SOX17: variants seen among roughly 807,000 people sequenced by gnomAD.
The protein encoded by SOX17 is SRY-box transcription factor 17.
A neutral mutation model predicts 16.0 loss-of-function variants in SOX17; 4 were observed. The observed-to-expected ratio is 0.25, with a 90% CI of 0.12 to 0.57. The LOEUF (loss-of-function observed/expected upper bound fraction) is 0.57. SOX17 is among the 20% of genes least tolerant of loss of function. The pLI, the probability that SOX17 is intolerant of heterozygous loss-of-function variation, is 0.92. For synonymous variants in SOX17, 357 were observed against 284.6 expected (o/e 1.25, Z -2.56); for missense variants, 633 against 609.7 (o/e 1.04, Z -0.40).
chr8:54,458,997 C>A, intron 1 of SOX17, 61 bp from the exon 2 acceptor site: 1 of 1,453,308 alleles, frequency 6.9e-7, no homozygotes, highest in South Asian at 1.4e-5. Flanking sequence ...CAGGTGGGGC[C>A]TGGAGCGGGA....
chr8:54,458,320 G>T lies in SOX17; in HGVS notation c.182G>T (p.Arg61Leu). The change falls in exon 1 of 2, where the codon CGA becomes CTA. Residue 61 changes from arginine (R) to leucine (L), a missense_variant. By Grantham distance (102) the Arg-to-Leu change is moderately radical. Around this residue, in one of 5 missense-constraint regions of SOX17, gnomAD observed 94 missense variants for 98.7 expected, o/e 0.95. Transcript: ENST00000297316. ...GGAGCACCGGCCGGGGCCGCGGGCC[G>T]AGCCAAGGGCGAGTCCCGTATCCGG... is the stretch of plus-strand genomic sequence containing the variant. ...NSGAPAGAAGRAKGESRIRRP... is the reference protein window; with the variant it reads ...NSGAPAGAAGLAKGESRIRRP... The T allele has an allele frequency of 6.2e-7, 1 of 1,611,858 alleles. No individual in the cohort carries two copies. The highest frequency in any genetic ancestry group is 8.5e-7 in the Non-Finnish European group (1 of 1,179,640).
At position 54,459,827 on chromosome 8, in the gene SOX17, C is replaced by T; in HGVS notation, c.1077C>T (p.Asp359=). ...SQPAELLGEV[D]RTEFEQYLHF... is the part of the protein sequence containing the mutation. ...CCGCCGAGCTCCTCGGGGAGGTGGA[C>T]CGCACGGAATTTGAACAGTATCTGC... Residue 359 remains aspartate (D), a synonymous_variant, in exon 2 of 2, where the codon GAC becomes GAT. Transcript: ENST00000297316. The T allele has an allele frequency of 6.2e-7, 1 of 1,613,182 alleles. No homozygotes were observed. Among genetic ancestry groups the T allele is most frequent in the Non-Finnish European group, 8.5e-7 (1 of 1,179,876 alleles).
Position 54,457,957 on chromosome 8 carries a change from G to A in SOX17, c.-182G>A. Reference sequence around the variant, plus strand: ...CCCGCAGTGTCACTAGGCCGGCTGGGGGCCCTGGGTACGCTGTAGACCAGA... The same window carrying A: ...CCCGCAGTGTCACTAGGCCGGCTGGAGGCCCTGGGTACGCTGTAGACCAGA... On this transcript the variant is annotated 5_prime_UTR_variant, in exon 1 of 2. Transcript: ENST00000297316. 1 of 696,746 alleles carries A rather than the reference G, an allele frequency of 1.4e-6. No individual in the cohort carries two copies. The highest frequency in any genetic ancestry group is 3.8e-5 in the Admixed American group (1 of 26,074). The allele number at this position is 696,746 out of a possible 1,614,324, so 43.2% of individuals were successfully genotyped here.
At position 54,459,729 on chromosome 8, in the gene SOX17, C is replaced by A. The variant is rs748072355; in HGVS notation, c.979C>A (p.Pro327Thr). Residue 327 changes from proline to threonine, a missense_variant, in exon 2 of 2, where the codon CCC becomes ACC. Around this residue, in one of 5 missense-constraint regions of SOX17, gnomAD observed 479 missense variants for 397.2 expected, o/e 1.21. Coordinates refer to ENST00000297316, the MANE Select transcript of SOX17 (RefSeq NM_022454.4). ...HQHQHQHQHH[P>T]PGPGQPSPPP... Reference sequence around the variant, plus strand: ...GCACCAGCACCAGCACCAGCACCACCCCCCGGGCCCCGGACAGCCGTCGCC... The same window carrying A: ...GCACCAGCACCAGCACCAGCACCACACCCCGGGCCCCGGACAGCCGTCGCC... 3.9e-6 allele frequency: 6 copies of A among 1,557,706 alleles called. No homozygotes were observed. The highest frequency in any genetic ancestry group is 4.3e-6 in the Non-Finnish European group (5 of 1,155,120).
In SOX17 at chr8:54,458,001, C is replaced by G. The variant is rs1007459047; in HGVS notation, c.-138C>G. 3 of 1,066,000 alleles carry G rather than the reference C, an allele frequency of 2.8e-6. No individual in the cohort carries two copies. The highest frequency in any genetic ancestry group is 2.6e-6 in the Non-Finnish European group (2 of 780,270). 66.0% of individuals were successfully genotyped at this position (1,066,000 alleles called of 1,614,324 possible). Reference sequence around the variant, plus strand: ...GACCAGACCGCGACAGGCCAGAACACGGGCGGCGGCTTCGGGCCGGGAGAC... The same window carrying G: ...GACCAGACCGCGACAGGCCAGAACAGGGGCGGCGGCTTCGGGCCGGGAGAC... On this transcript the variant is annotated 5_prime_UTR_variant, in exon 1 of 2. Transcript: ENST00000297316.
chr8:54,458,076 CGG>C lies in SOX17; in HGVS notation c.-61_-60del. 1 of 1,424,202 alleles carries C rather than the reference CGG, an allele frequency of 7.0e-7. No individual in the cohort carries two copies. Among genetic ancestry groups the C allele is most frequent in the Non-Finnish European group, 9.1e-7 (1 of 1,096,162 alleles). The allele number at this position is 1,424,202 out of a possible 1,614,324, so 88.2% of individuals were successfully genotyped here. On this transcript the variant is annotated 5_prime_UTR_variant, in exon 1 of 2. Transcript: ENST00000297316. ...GTGCCTCACTCCCCACCCCCTCCCC[CGG>C]GTCGGGGGAGGCGGCGCGTCCGGCG...
rs776209280 is a variant in SOX17 at position 54,459,211 on chromosome 8, G to A, written c.461G>A (p.Gly154Asp). The A allele has an allele frequency of 2.5e-6, 4 of 1,574,494 alleles. No individual in the cohort carries two copies. In the Admixed American group the frequency reaches 7.3e-5, roughly 29 times the overall value. Reference sequence around the variant, plus strand: ...AAGCGGCTGAAGCGGGTGGAGGGCGGCTTCCTGCACGGCCTGGCTGAGCCG... The same window carrying A: ...AAGCGGCTGAAGCGGGTGGAGGGCGACTTCCTGCACGGCCTGGCTGAGCCG... ...QVKRLKRVEG[G>D]FLHGLAEPQA... The change falls in exon 2 of 2, where the codon GGC becomes GAC. Residue 154 changes from glycine to aspartate, a missense_variant. Transcript: ENST00000297316.
rs1326191408 is a variant in SOX17 at position 54,459,476 on chromosome 8, CG to C, written c.730del (p.Asp244ThrfsTer143). The C allele has an allele frequency of 6.6e-7, 1 of 1,524,726 alleles. No homozygotes were observed. Among genetic ancestry groups the C allele is most frequent in the East Asian group, 2.5e-5 (1 of 39,324 alleles). The allele number at this position is 1,524,726 out of a possible 1,614,324, so 94.4% of individuals were successfully genotyped here. ...CGGCTTTCTTCGCCGCCCCGATGCC[CG>C]GGGACTGCCCGGCGGCCGGCACCTA... ...DPAFFAAPMP[G>X]DCPAAGTYSY... On this transcript the variant is annotated frameshift_variant, in exon 2 of 2. Coordinates refer to ENST00000297316, the MANE Select transcript of SOX17 (RefSeq NM_022454.4). LOFTEE classifies it low-confidence loss of function (END_TRUNC).
In SOX17 at chr8:54,460,201, A is replaced by G; in HGVS notation, c.*206A>G. 1.6e-6 allele frequency: 1 copy of G among 623,116 alleles called. No individual in the cohort carries two copies. Among genetic ancestry groups the G allele is most frequent in the Non-Finnish European group, 2.8e-6 (1 of 357,876 alleles). 38.6% of individuals were successfully genotyped at this position (623,116 alleles called of 1,614,324 possible). ...GAGGTTTCATTTAAAATTTGTTCAG[A>G]GATTTGTTTCCCATAGTTGGATTGT... On this transcript the variant is annotated 3_prime_UTR_variant, in exon 2 of 2. Transcript: ENST00000297316.
In SOX17 at chr8:54,457,940, G is replaced by A; in HGVS notation, c.-199G>A. On this transcript the variant is annotated 5_prime_UTR_variant, in exon 1 of 2. Coordinates refer to ENST00000297316, the MANE Select transcript of SOX17 (RefSeq NM_022454.4). Reference sequence around the variant, plus strand: ...CCCGCGGCCCAGGGGCGCCCGCAGTGTCACTAGGCCGGCTGGGGGCCCTGG... The same window carrying A: ...CCCGCGGCCCAGGGGCGCCCGCAGTATCACTAGGCCGGCTGGGGGCCCTGG... 1.6e-6 allele frequency: 1 copy of A among 612,976 alleles called. No individual in the cohort carries two copies. Among genetic ancestry groups the A allele is most frequent in the Non-Finnish European group, 2.6e-6 (1 of 385,470 alleles). 38.0% of individuals were successfully genotyped at this position (612,976 alleles called of 1,614,324 possible).
At position 54,459,111 on chromosome 8, in the gene SOX17, G is replaced by A. The variant is rs2129278034; in HGVS notation, c.361G>A (p.Ala121Thr). The A allele has an allele frequency of 6.2e-7, 1 of 1,609,194 alleles. No individual in the cohort carries two copies. The highest frequency in any genetic ancestry group is 8.5e-7 in the Non-Finnish European group (1 of 1,178,264). The change falls in exon 2 of 2, where the codon GCA (alanine) becomes ACA (threonine). Residue 121 changes from alanine to threonine, a missense_variant. Physicochemically the swap from Ala to Thr is moderately conservative, Grantham distance 58. Transcript: ENST00000297316. Reference sequence around the variant, plus strand: ...GGAGAAGCGGCCCTTCGTGGAGGAGGCAGAGCGGCTGCGCGTGCAGCACAT... The same window carrying A: ...GGAGAAGCGGCCCTTCGTGGAGGAGACAGAGCGGCTGCGCGTGCAGCACAT... ...LAEKRPFVEE[A>T]ERLRVQHMQD...
In SOX17 at chr8:54,460,029, A is replaced by C. The variant is rs533216254; in HGVS notation, c.*34A>C. On this transcript the variant is annotated 3_prime_UTR_variant, in exon 2 of 2. Coordinates refer to ENST00000297316, the MANE Select transcript of SOX17 (RefSeq NM_022454.4). ...TGATCCGCCCCAGCCTGCAGGCCAG[A>C]AGCAGTGTTACACACTTCCTGGAGG... 4.2e-5 allele frequency: 68 copies of C among 1,608,408 alleles called. No individual in the cohort carries two copies. Among genetic ancestry groups the C allele is most frequent in the Non-Finnish European group, 5.7e-5 (67 of 1,175,776 alleles).
In SOX17 at chr8:54,460,119, T is replaced by C. The variant is rs1804718640; in HGVS notation, c.*124T>C. On this transcript the variant is annotated 3_prime_UTR_variant, in exon 2 of 2. Transcript: ENST00000297316. ...CTGTTGTTGTTTTTTAAAAGGTGTG[T>C]TGGCATATAATTTATGGTAATTTAT... 2.7e-5 allele frequency: 27 copies of C among 994,584 alleles called. No individual in the cohort carries two copies. The highest frequency in any genetic ancestry group is 4.2e-5 in the Non-Finnish European group (27 of 644,164). 61.6% of individuals were successfully genotyped at this position (994,584 alleles called of 1,614,324 possible).
chr8:54,460,679 G>A lies in SOX17; in HGVS notation c.*684G>A. On this transcript the variant is annotated 3_prime_UTR_variant, in exon 2 of 2. Transcript: ENST00000297316. ...TAGAAGGGGATGTCCAAGTAATTTT[G>A]GTTTTCTAACTGTTGAATCATAAGC... The A allele has an allele frequency of 4.4e-6, 1 of 229,380 alleles. No individual in the cohort carries two copies. Among genetic ancestry groups the A allele is most frequent in the Non-Finnish European group, 8.6e-6 (1 of 115,780 alleles). 14.2% of individuals were successfully genotyped at this position (229,380 alleles called of 1,614,324 possible).
In SOX17 at chr8:54,460,169, G is replaced by A; in HGVS notation, c.*174G>A. 1.5e-6 allele frequency: 1 copy of A among 674,132 alleles called. No individual in the cohort carries two copies. The highest frequency in any genetic ancestry group is 2.5e-6 in the Non-Finnish European group (1 of 399,486). 41.8% of individuals were successfully genotyped at this position (674,132 alleles called of 1,614,324 possible). Reference sequence around the variant, plus strand: ...TTTTGTCTGCCACTTGAACAGTTTGGGGGGGTGAGGTTTCATTTAAAATTT... The same window carrying A: ...TTTTGTCTGCCACTTGAACAGTTTGAGGGGGTGAGGTTTCATTTAAAATTT... On this transcript the variant is annotated 3_prime_UTR_variant, in exon 2 of 2. Transcript: ENST00000297316.
In SOX17 at chr8:54,460,102, G is replaced by GT. The variant is rs1804718353; in HGVS notation, c.*113dup. 4.8e-6 allele frequency: 6 copies of GT among 1,238,578 alleles called. No individual in the cohort carries two copies. In the South Asian group the frequency reaches 7.4e-5, roughly 15 times the overall value. The allele number at this position is 1,238,578 out of a possible 1,614,324, so 76.7% of individuals were successfully genotyped here. On this transcript the variant is annotated 3_prime_UTR_variant, in exon 2 of 2. Coordinates refer to ENST00000297316, the MANE Select transcript of SOX17 (RefSeq NM_022454.4). ...CTGGGTTTTTGTTGTTGCTGTTGTT[G>GT]TTTTTTAAAAGGTGTGTTGGCATAT...
rs372710574 is a variant in SOX17 at position 54,459,011 on chromosome 8, C to T, written c.308-47C>T. On this transcript the variant is annotated intron_variant, in intron 1 of 1. Transcript: ENST00000297316. ...CCAGGTGGGGCCTGGAGCGGGAGCGCAGCCGATAAGCCCTGCGCCCCTCTC... is the reference window on the plus strand; with the variant it reads ...CCAGGTGGGGCCTGGAGCGGGAGCGTAGCCGATAAGCCCTGCGCCCCTCTC... The T allele has an allele frequency of 2.6e-5, 39 of 1,494,974 alleles. No homozygotes were observed. The African/African-American group carries it at 4.7e-4, about 18-fold the overall frequency. 92.6% of individuals were successfully genotyped at this position (1,494,974 alleles called of 1,614,324 possible).
chr8:54,459,945 G>T lies in SOX17; in HGVS notation c.1195G>T (p.Val399Leu), dbSNP rs1289076154. ...PDSHGAISSV[V>L]SDASSAVYYC... is the part of the protein sequence containing the mutation. ...CAGCCACGGGGCCATTTCCTCGGTGGTGTCCGACGCCAGCTCCGCGGTATA... is the reference window on the plus strand; with the variant it reads ...CAGCCACGGGGCCATTTCCTCGGTGTTGTCCGACGCCAGCTCCGCGGTATA... The change falls in exon 2 of 2, where the codon GTG becomes TTG. Residue 399 changes from valine to leucine, a missense_variant. Val to Leu is a conservative substitution (Grantham distance 32, BLOSUM62 1). Transcript: ENST00000297316. 4 of 1,613,738 alleles carry T rather than the reference G, an allele frequency of 2.5e-6. No homozygotes were observed. The highest frequency in any genetic ancestry group is 3.4e-6 in the Non-Finnish European group (4 of 1,180,058).
At chr8:54,458,665 G>A (rs577674696) in intron 1 of SOX17, among the ~76,000 whole-genome samples, 2 of 152,176 alleles carry the variant, frequency 1.3e-5, no homozygotes, top group Admixed American at 6.5e-5. Flanking sequence ...GATTCCCCAG[G>A]TGGCCGGGGG....
Sources: allele counts gnomAD v4.1 joint callset (sites outside exome capture counted in the v4.1 genomes callset), GRCh38; gene constraint gnomAD v4.1.1; regional missense constraint gnomAD v4.1.1; transcripts MANE v1.5; gene names NCBI Gene and HGNC (gene_info 2026-07-23, HGNC 2026-07-21).